DOCK5: variants seen among roughly 807,000 people sequenced by gnomAD.
DOCK5 encodes dedicator of cytokinesis protein 5.
In DOCK5, 142 loss-of-function variants were observed where a neutral mutation model predicts 251.8. The ratio of observed to expected loss-of-function variants is 0.56; its 90% CI spans 0.49 to 0.65. The LOEUF (loss-of-function observed/expected upper bound fraction) is 0.65, where lower values mean the gene tolerates loss of function less well. Among genes scored for constraint, DOCK5 ranks in the 30% least tolerant of loss-of-function variants. The pLI, the probability that DOCK5 is intolerant of heterozygous loss-of-function variation, is 0.00. For missense variants in DOCK5, 2,111 were observed against 2,312.3 expected, an observed-to-expected ratio of 0.91 and a Z score of 1.79; for synonymous variants, 842 against 835.5, an observed-to-expected ratio of 1.01 and a Z score of -0.13.
chr8:25,277,738 T>C (rs1365249303), intron 4 of DOCK5, among the ~76,000 whole-genome samples: 2 of 152,290 alleles, frequency 1.3e-5, no homozygotes, highest in South Asian at 2.1e-4. Context: ...CCCAGTTACA[T>C]TGGCAATTCA....
chr8:25,298,530 C>T (rs1804675201), intron 7 of DOCK5, among the ~76,000 whole-genome samples: 1 of 152,186 alleles, frequency 6.6e-6, no homozygotes, highest in Admixed American at 6.6e-5. Flanking sequence ...TGTCCACTTA[C>T]ATACACTTTT....
chr8:25,366,727 A>G, intron 30 of DOCK5, 143 bp from the exon 31 acceptor site: 1 of 596,094 alleles, frequency 1.7e-6, no homozygotes, highest in Non-Finnish European at 2.8e-6. Flanking sequence ...TTGAATAATC[A>G]AAACCTAAGA....
chr8:25,304,778 G>C, intron 11 of DOCK5: 1 of 153,862 alleles, frequency 6.5e-6, no homozygotes, highest in Non-Finnish European at 1.4e-5. Context: ...CAAGCTCCCA[G>C]GTGATGCTGA....
chr8:25,259,097 G>C (rs999146886), intron 2 of DOCK5, among the ~76,000 whole-genome samples: 27 of 152,308 alleles, frequency 1.8e-4, no homozygotes, highest in African/African-American at 6.5e-4. Flanking sequence ...GCCAGTCTGG[G>C]TGACAGAGCG....
At chr8:25,391,766 C>G in intron 42 of DOCK5, 130 bp from the exon 43 acceptor site, 1 of 615,670 alleles carries the variant, frequency 1.6e-6, no homozygotes, top group South Asian at 2.4e-5. Flanking sequence ...TGTGGAGGCA[C>G]TATTGATTAT....
intron 3 of DOCK5, among the ~76,000 whole-genome samples, chr8:25,269,773 A>G (rs899880023): frequency 3.9e-5 from 6 of 152,232 alleles, no homozygotes; most frequent in African/African-American, 1.4e-4. Flanking sequence ...TTATTTCACA[A>G]TTAGTTCACA....
intron 1 of DOCK5, among the ~76,000 whole-genome samples, chr8:25,197,554 CT>C (rs1476473182): frequency 7.0e-6 from 1 of 143,052 alleles, no homozygotes; most frequent in Non-Finnish European, 1.5e-5. Flanking sequence ...GATGCCCTCT[CT>C]TTAAGGATCG....
chr8:25,364,203 A>G (rs983741194), intron 29 of DOCK5, among the ~76,000 whole-genome samples: 1 of 152,248 alleles, frequency 6.6e-6, no homozygotes, highest in Non-Finnish European at 1.5e-5. Flanking sequence ...TTAACTCTAC[A>G]TGATACCCAA....
chr8:25,212,574 C>T lies in DOCK5; in HGVS notation c.43+27623C>T, dbSNP rs144520932. Among the ~76,000 whole-genome samples the T allele has an allele frequency of 9.5e-4, 68 of 71,220 alleles. 19 individuals carry two copies. Among genetic ancestry groups the T allele is most frequent in the African/African-American group, 2.0e-3 (62 of 31,470 alleles). 46.7% of individuals were successfully genotyped at this position (71,220 alleles called of 152,430 possible). A position where few individuals can be genotyped will look rare whatever the true frequency, so the allele number is the denominator to read the frequency against. ...CACCTAGGAAGGGGACTGGATGTACCTCTGCTCAAAACATCTGGATCCCAT... is the reference window on the plus strand; with the variant it reads ...CACCTAGGAAGGGGACTGGATGTACTTCTGCTCAAAACATCTGGATCCCAT... On this transcript the variant is annotated intron_variant, in intron 1 of 51. Coordinates refer to ENST00000276440, the MANE Select transcript of DOCK5 (RefSeq NM_024940.8).
chr8:25,242,250 C>T (rs896787875), intron 1 of DOCK5, among the ~76,000 whole-genome samples: 2 of 152,102 alleles, frequency 1.3e-5, no homozygotes, highest in Admixed American at 6.5e-5. Context: ...CCGGGGGGCA[C>T]CTTTACAGCC....
intron 2 of DOCK5, among the ~76,000 whole-genome samples, chr8:25,256,396 T>C (rs1803420973): frequency 6.6e-6 from 1 of 152,132 alleles, no homozygotes; most frequent in Non-Finnish European, 1.5e-5. Flanking sequence ...CCCAACACTT[T>C]GGGAGGCTGA....
At chr8:25,381,147 G>GCCACCATTCTGAATGCCCAA (rs1563223632) in intron 39 of DOCK5, among the ~76,000 whole-genome samples, 14 of 152,132 alleles carry the variant, frequency 9.2e-5, no homozygotes, top group African/African-American at 3.4e-4. Flanking sequence ...TGAATGCCCA[G>GCCACCATTCTGAATGCCCAA]TGGTAGGCAA....
chr8:25,296,044 T>C (rs1804607308), intron 6 of DOCK5, among the ~76,000 whole-genome samples: 1 of 152,178 alleles, frequency 6.6e-6, no homozygotes, highest in African/African-American at 2.4e-5. Context: ...GGTCTTGACC[T>C]CCTGGTCTCA....
intron 1 of DOCK5, among the ~76,000 whole-genome samples, chr8:25,237,967 A>T (rs1052298022): frequency 2.6e-5 from 4 of 152,150 alleles, no homozygotes; most frequent in Non-Finnish European, 5.9e-5. Context: ...GCTTACCCTG[A>T]GGTTTTTCTT....
At chr8:25,257,069 A>C (rs773493804) in intron 2 of DOCK5, among the ~76,000 whole-genome samples, 4 of 152,174 alleles carry the variant, frequency 2.6e-5, no homozygotes, top group Non-Finnish European at 4.4e-5. Context: ...CAGTAATTTA[A>C]GTAGTTGAGA....
intron 4 of DOCK5, among the ~76,000 whole-genome samples, chr8:25,278,014 G>A (rs1015192738): frequency 6.6e-6 from 1 of 152,140 alleles, no homozygotes; most frequent in Non-Finnish European, 1.5e-5. Context: ...CTGTGAGTAA[G>A]CAAGGATTTT....
At chr8:25,397,125 G>A (rs1348880866) in intron 45 of DOCK5, among the ~76,000 whole-genome samples, 1 of 151,958 alleles carries the variant, frequency 6.6e-6, no homozygotes. Context: ...GAGAGGCTGA[G>A]GCATTAGAAT....
At chr8:25,392,522 C>T (rs1053910574) in intron 43 of DOCK5, among the ~76,000 whole-genome samples, 1 of 152,150 alleles carries the variant, frequency 6.6e-6, no homozygotes, top group Non-Finnish European at 1.5e-5. Flanking sequence ...GGGCCTGCTG[C>T]TTGTAATGAC....
intron 21 of DOCK5, among the ~76,000 whole-genome samples, chr8:25,335,840 A>G (rs1321725181): frequency 3.9e-5 from 6 of 152,208 alleles, no homozygotes; most frequent in Non-Finnish European, 7.3e-5. Context: ...AGGCAGAATA[A>G]AAGGAATTAG....
Sources: gnomAD v4.1 joint callset for allele counts (sites outside exome capture counted in the v4.1 genomes callset) on GRCh38, gnomAD v4.1.1 for gene constraint, MANE v1.5 for transcripts, NCBI Gene and HGNC (gene_info 2026-07-23, HGNC 2026-07-21) for gene names.